The following PRCC variants were observed in gnomAD, a reference collection of about 807,000 sequenced individuals.
The protein encoded by PRCC is proline rich mitotic checkpoint control factor, also known as proline-rich protein PRCC.
A neutral mutation model predicts 44.0 loss-of-function variants in PRCC; 10 were observed. That is an observed-to-expected ratio of 0.23 (90% CI 0.14 to 0.39). The LOEUF is 0.39. Among genes scored for constraint, PRCC ranks in the 10% least tolerant of loss-of-function variants. PRCC has a pLI of 1.00. For missense variants in PRCC, 573 were observed against 624.7 expected (o/e 0.92, Z 0.88); for synonymous variants, 278 against 259.5 (o/e 1.07, Z -0.69).
intron 1 of PRCC, among the ~76,000 whole-genome samples, chr1:156,776,468 G>T (rs114281031): frequency 5.1e-4 from 75 of 148,432 alleles, no homozygotes; most frequent in East Asian, 4.5e-3. Flanking sequence ...CTTTATAGAG[G>T]TTTTTTTTTT....
At chr1:156,770,014 A>T (rs887887555) in intron 1 of PRCC, among the ~76,000 whole-genome samples, 1 of 151,992 alleles carries the variant, frequency 6.6e-6, no homozygotes, top group Non-Finnish European at 1.5e-5. Flanking sequence ...TTTGGCTTTG[A>T]TTTAACCTGG....
chr1:156,774,000 A>C (rs1651725756), intron 1 of PRCC, among the ~76,000 whole-genome samples: 1 of 152,150 alleles, frequency 6.6e-6, no homozygotes, highest in African/African-American at 2.4e-5. Flanking sequence ...CAGTCACAAA[A>C]GGACAAATAT....
intron 6 of PRCC, among the ~76,000 whole-genome samples, chr1:156,797,571 A>C (rs1652702066): frequency 6.6e-6 from 1 of 152,228 alleles, no homozygotes; most frequent in East Asian, 1.9e-4. Flanking sequence ...TGCTTAGAAT[A>C]AAACTCTTAA....
chr1:156,789,145 T>C (rs1434457984), intron 3 of PRCC, among the ~76,000 whole-genome samples: 1 of 152,032 alleles, frequency 6.6e-6, no homozygotes, highest in African/African-American at 2.4e-5. Flanking sequence ...AATTTTTGTA[T>C]TTTTAGTAGA....
At position 156,786,619 on chromosome 1, in the gene PRCC, G is replaced by C; in HGVS notation, c.528G>C (p.Glu176Asp). 6.2e-7 allele frequency: 1 copy of C among 1,609,968 alleles called. No homozygotes were observed. Reference sequence around the variant, plus strand: ...CCTGGGCTCACCAGGGATCCAGTGAGGGGACTGGTTTGTCTGCCTTGCTTC... The same window carrying C: ...CCTGGGCTCACCAGGGATCCAGTGACGGGACTGGTTTGTCTGCCTTGCTTC... ...KKKTILQGSSEGTGLSALLPQ... is the reference protein window; with the variant it reads ...KKKTILQGSSDGTGLSALLPQ... The change falls in exon 3 of 7, where the codon GAG becomes GAC. Residue 176 changes from glutamate (E) to aspartate (D), a missense_variant. Physicochemically the swap from Glu to Asp is conservative, Grantham distance 45 (BLOSUM62 2). Coordinates refer to ENST00000271526, the MANE Select transcript of PRCC (RefSeq NM_005973.5).
At chr1:156,779,126 A>AT (rs1651945225) in intron 1 of PRCC, among the ~76,000 whole-genome samples, 3 of 29,334 alleles carry the variant, frequency 1.0e-4, no homozygotes, top group Non-Finnish European at 1.8e-4. Flanking sequence ...ATATATATAT[A>AT]TATTTTTTTT....
Position 156,797,281 on chromosome 1 carries a change from A to G in PRCC, c.1329A>G (p.Lys443=). The G allele has an allele frequency of 6.2e-7, 1 of 1,614,186 alleles. No individual in the cohort carries two copies. The highest frequency in any genetic ancestry group is 8.5e-7 in the Non-Finnish European group (1 of 1,180,012). ...TATGTTTTCTTCTCTTGCAGAAGAAAGGTGAGCAGCCAACAGGCCAGCAGC... is the reference window on the plus strand; with the variant it reads ...TATGTTTTCTTCTCTTGCAGAAGAAGGGTGAGCAGCCAACAGGCCAGCAGC... ...EKTMKSFSKK[K]GEQPTGQQRR... Residue 443 remains lysine (K), a synonymous_variant, in exon 6 of 7, where the codon AAA becomes AAG. Transcript: ENST00000271526.
intron 1 of PRCC, among the ~76,000 whole-genome samples, chr1:156,779,011 G>T (rs1225949451): frequency 5.5e-5 from 8 of 146,722 alleles, no homozygotes; most frequent in Non-Finnish European, 6.0e-5. Context: ...TATTGGTCAG[G>T]CTGGTCTCAA....
intron 3 of PRCC, among the ~76,000 whole-genome samples, chr1:156,788,532 G>A (rs1405177485): frequency 2.0e-5 from 3 of 152,168 alleles, no homozygotes; most frequent in Non-Finnish European, 4.4e-5. Context: ...GGATTGCTGG[G>A]TTGAATGGTA....
At chr1:156,792,053 CTTTTTTTTTTTTTTTT>C (rs67388360) in intron 4 of PRCC, among the ~76,000 whole-genome samples, 1 of 58,448 alleles carries the variant, frequency 1.7e-5, no homozygotes, top group Admixed American at 3.1e-4. Flanking sequence ...TAGTCCCCTT[CTTTTTTTTTTTTTTTT>C]TTTTTTTTTT....
intron 1 of PRCC, among the ~76,000 whole-genome samples, chr1:156,779,181 G>T (rs1224586064): frequency 4.1e-5 from 4 of 98,730 alleles, no homozygotes; most frequent in African/African-American, 8.0e-5. Context: ...CTGAGATAGG[G>T]TCTTACTCTG....
At chr1:156,795,293 T>TTTTTG (rs1652627137) in intron 5 of PRCC, among the ~76,000 whole-genome samples, 1 of 125,662 alleles carries the variant, frequency 8.0e-6, no homozygotes, top group South Asian at 2.9e-4. Flanking sequence ...GTGTTTTTTT[T>TTTTTG]TTTTTTTTTT....
At position 156,784,329 on chromosome 1, in the gene PRCC, C is replaced by G. The variant is rs189342199; in HGVS notation, c.516+2000C>G. Among the ~76,000 whole-genome samples the G allele has an allele frequency of 3.6e-3, 554 of 152,240 alleles. 17 individuals carry two copies. Among genetic ancestry groups the G allele is most frequent in the Admixed American group, 0.033 (504 of 15,290 alleles). ...AGACTGAGCAAAGGCAGTCCTGTTA[C>G]CAGGATAGCTTCCTGGAGGAGGTAG... On this transcript the variant is annotated intron_variant, in intron 2 of 6. Transcript: ENST00000271526.
Position 156,768,288 on chromosome 1 carries a change from G to C in PRCC, c.468+49G>C, listed in dbSNP as rs1468398603. ...CCAAACTGTCCATCGGGTTTGAGTC[G>C]GCTGTAGGAGGGACATGTGGAGATT... On this transcript the variant is annotated intron_variant, in intron 1 of 6. Coordinates refer to ENST00000271526, the MANE Select transcript of PRCC (RefSeq NM_005973.5). 3.3e-6 allele frequency: 5 copies of C among 1,506,436 alleles called. No homozygotes were observed. The East Asian group carries it at 9.8e-5, about 30-fold the overall frequency. The allele number at this position is 1,506,436 out of a possible 1,614,324, so 93.3% of individuals were successfully genotyped here.
chr1:156,774,840 T>C (rs1651760654), intron 1 of PRCC, among the ~76,000 whole-genome samples: 1 of 151,414 alleles, frequency 6.6e-6, no homozygotes, highest in Non-Finnish European at 1.5e-5. Context: ...TAATCCCAGC[T>C]ACTTGGGAAG....
intron 1 of PRCC, among the ~76,000 whole-genome samples, chr1:156,774,549 C>G (rs1340232850): frequency 6.6e-6 from 1 of 151,870 alleles, no homozygotes; most frequent in African/African-American, 2.4e-5. Flanking sequence ...TGTTGTGTCT[C>G]GATTATGGCT....
At position 156,787,046 on chromosome 1, in the gene PRCC, G is replaced by A. The variant is rs1404708481; in HGVS notation, c.955G>A (p.Ala319Thr). 1.2e-6 allele frequency: 2 copies of A among 1,614,196 alleles called. No individual in the cohort carries two copies. The highest frequency in any genetic ancestry group is 1.7e-6 in the Non-Finnish European group (2 of 1,180,030). Residue 319 changes from alanine to threonine, a missense_variant, in exon 3 of 7, where the codon GCC (alanine) becomes ACC (threonine). Physicochemically the swap from Ala to Thr is moderately conservative, Grantham distance 58. Transcript: ENST00000271526. Reference sequence around the variant, plus strand: ...GGCTTTCCAGGACGATGCAGCCAATGCCCCCCTTGAATTCAAGATGGCAGC... The same window carrying A: ...GGCTTTCCAGGACGATGCAGCCAATACCCCCCTTGAATTCAAGATGGCAGC... Reference protein sequence around the residue: ...EPAFQDDAANAPLEFKMAAGS... With the variant: ...EPAFQDDAANTPLEFKMAAGS...
chr1:156,786,763 C>T lies in PRCC; in HGVS notation c.672C>T (p.Thr224=). 1.2e-6 allele frequency: 2 copies of T among 1,614,180 alleles called. No homozygotes were observed. Among genetic ancestry groups the T allele is most frequent in the African/African-American group, 1.3e-5 (1 of 75,034 alleles). ...DTKPSRLASK[T]KTSSLAPVVG... ...AGCCCTCCAGACTGGCTTCTAAGAC[C>T]AAGACTTCCTCTCTTGCCCCTGTTG... Residue 224 remains threonine (T), a synonymous_variant, in exon 3 of 7, where the codon ACC becomes ACT. Coordinates refer to ENST00000271526, the MANE Select transcript of PRCC (RefSeq NM_005973.5).
chr1:156,794,331 G>A (rs1652587857), intron 4 of PRCC, among the ~76,000 whole-genome samples: 2 of 152,092 alleles, frequency 1.3e-5, no homozygotes, highest in Admixed American at 6.6e-5. Context: ...TTGATTTGGG[G>A]GTACATGTGC....
Sources: allele counts gnomAD v4.1 joint callset (sites outside exome capture counted in the v4.1 genomes callset), GRCh38; gene constraint gnomAD v4.1.1; transcripts MANE v1.5; gene names NCBI Gene and HGNC (gene_info 2026-07-23, HGNC 2026-07-21).